Variants in C5 observed in about 807,000 individuals in gnomAD.
The protein encoded by C5 is complement C5, also known as C3 and PZP-like alpha-2-macroglobulin domain-containing protein 4.
A neutral mutation model predicts 218.8 loss-of-function variants in C5; 140 were observed. That is an observed-to-expected ratio of 0.64 (90% CI 0.56 to 0.74). The LOEUF (loss-of-function observed/expected upper bound fraction) is 0.74. C5 is among the 30% of genes least tolerant of loss of function. C5 has a pLI of 0.00. For missense variants in C5, 1,700 were observed against 1,969.6 expected, an observed-to-expected ratio of 0.86 and a Z score of 2.59; for synonymous variants, 614 against 682.3, an observed-to-expected ratio of 0.90 and a Z score of 1.56.
chr9:121,056,265 C>T, the C5 span, among the ~76,000 whole-genome samples: 6 of 152,206 alleles, frequency 3.9e-5, no homozygotes, highest in African/African-American at 1.4e-4. Flanking sequence ...CTGAATAAGG[C>T]ACCATTGACC....
In C5 at chr9:121,006,926, T is replaced by C. The variant is rs772835972; in HGVS notation, c.2400A>G (p.Gln800=). 1 of 1,612,032 alleles carries C rather than the reference T, an allele frequency of 6.2e-7. No homozygotes were observed. The highest frequency in any genetic ancestry group is 8.5e-7 in the Non-Finnish European group (1 of 1,178,148). The part of the protein sequence containing the change: ...LPDSLTTWEI[Q]GVGISNTGIC... ...TACCAGTGTTTGAAATGCCAACGCC[T>C]TGAATTTCCCAGGTGGTTAGAGAAT... The change falls in exon 19 of 41, where the codon CAA becomes CAG. Residue 800 remains glutamine, a synonymous_variant. Transcript: ENST00000223642.
chr9:120,973,715 A>G (rs2046931368), intron 30 of C5, among the ~76,000 whole-genome samples: 1 of 152,172 alleles, frequency 6.6e-6, no homozygotes, highest in East Asian at 1.9e-4. Context: ...ATGGTGGCTC[A>G]CACCTGTAAT....
At chr9:120,983,773 C>T (rs2047012825) in intron 25 of C5, among the ~76,000 whole-genome samples, 1 of 151,838 alleles carries the variant, frequency 6.6e-6, no homozygotes, top group Non-Finnish European at 1.5e-5. Context: ...GATCCTGCCA[C>T]TGCATCCAGC....
the C5 span, among the ~76,000 whole-genome samples, chr9:121,067,691 G>T: frequency 3.3e-5 from 5 of 152,128 alleles, no homozygotes; most frequent in African/African-American, 1.2e-4. Context: ...GGTACCTGGT[G>T]GGAGGTGGGT....
chr9:120,969,412 A>C (rs534677741), intron 32 of C5, among the ~76,000 whole-genome samples: 1 of 151,106 alleles, frequency 6.6e-6, no homozygotes, highest in Non-Finnish European at 1.5e-5. Context: ...GGGATGTTGG[A>C]GGGAGGAAGA....
intron 21 of C5, among the ~76,000 whole-genome samples, chr9:120,996,902 T>G (rs1399656557): frequency 6.6e-6 from 1 of 152,018 alleles, no homozygotes; most frequent in Non-Finnish European, 1.5e-5. Flanking sequence ...TTTTAATTGG[T>G]AAATCATACT....
intron 2 of C5, among the ~76,000 whole-genome samples, chr9:121,045,950 T>C (rs2131822433): frequency 1.3e-5 from 2 of 152,204 alleles, no homozygotes; most frequent in East Asian, 3.9e-4. Flanking sequence ...AATTTTATTT[T>C]CCAATAAGAA....
At chr9:120,968,963 T>G in intron 33 of C5, 98 bp downstream of exon 33, 1 of 982,994 alleles carries the variant, frequency 1.0e-6, no homozygotes, top group South Asian at 1.3e-5. Context: ...ATTTTGTATC[T>G]TCTGGACATA....
chr9:121,005,843 T>A, intron 20 of C5, 76 bp downstream of exon 20: 1 of 1,455,718 alleles, frequency 6.9e-7, no homozygotes, highest in South Asian at 1.1e-5. Flanking sequence ...TTTTTGTGTA[T>A]GGTAATTCCA....
chr9:121,030,348 T>C, intron 7 of C5, 49 bp downstream of exon 7: 6 of 1,003,066 alleles, frequency 6.0e-6, no homozygotes, highest in Non-Finnish European at 9.0e-6. Context: ...CAGAGTTGAG[T>C]TAATTTGAAA....
intron 20 of C5, among the ~76,000 whole-genome samples, chr9:121,002,256 A>C (rs1440989370): frequency 1.0e-5 from 1 of 98,772 alleles, no homozygotes; most frequent in African/African-American, 5.8e-5. Flanking sequence ...ATATATATGT[A>C]TATATGTATA....
At chr9:121,002,232 ATATATG>A (rs2047170905) in intron 20 of C5, among the ~76,000 whole-genome samples, 4 of 120,516 alleles carry the variant, frequency 3.3e-5, no homozygotes, top group African/African-American at 1.3e-4. Flanking sequence ...ATATATATGT[ATATATG>A]TATATGTATA....
intron 3 of C5, among the ~76,000 whole-genome samples, chr9:121,041,787 G>T (rs1486618459): frequency 6.6e-6 from 1 of 152,132 alleles, no homozygotes; most frequent in Admixed American, 6.5e-5. Context: ...ATGTCTAAAA[G>T]GACCCAACCT....
Position 120,961,541 on chromosome 9 carries a change from C to T in C5, c.4529G>A (p.Ser1510Asn). The change falls in exon 37 of 41, where the codon AGC becomes AAC. Residue 1510 changes from serine to asparagine, a missense_variant. Coordinates refer to ENST00000223642, the MANE Select transcript of C5 (RefSeq NM_001735.3). Reference sequence around the variant, plus strand: ...TTTCTGAATTTTGATATTGGAAGTGCTATAAAACATGGTACACTGTTTATC... The same window carrying T: ...TTTCTGAATTTTGATATTGGAAGTGTTATAAAACATGGTACACTGTTTATC... ...RPDKQCTMFY[S>N]TSNIKIQKVC... The T allele has an allele frequency of 6.2e-7, 1 of 1,612,484 alleles. No individual in the cohort carries two copies.
intron 16 of C5, 63 bp downstream of exon 16, chr9:121,015,136 T>C: frequency 9.7e-7 from 1 of 1,027,084 alleles, no homozygotes; most frequent in Non-Finnish European, 1.5e-6. Context: ...TAACATTTAA[T>C]TTTGTCCAGT....
At chr9:121,006,184 T>C (rs2047214372) in intron 19 of C5, 126 bp from the exon 20 acceptor site, 2 of 876,538 alleles carry the variant, frequency 2.3e-6, no homozygotes, top group Non-Finnish European at 3.6e-6. Context: ...TGTTTTTCTC[T>C]GAACTCTCAA....
chr9:121,028,081 A>T (rs1351428667), intron 7 of C5, among the ~76,000 whole-genome samples: 6 of 152,242 alleles, frequency 3.9e-5, no homozygotes, highest in Non-Finnish European at 8.8e-5. Flanking sequence ...CAGCTAACAG[A>T]CACATGAAAA....
intron 38 of C5, among the ~76,000 whole-genome samples, chr9:120,959,822 T>TA (rs1415267510): frequency 6.6e-6 from 1 of 152,200 alleles, no homozygotes; most frequent in African/African-American, 2.4e-5. Context: ...TATTAAAAAT[T>TA]ATTTGGTATT....
chr9:121,036,797 T>C (rs1195601347), intron 4 of C5, among the ~76,000 whole-genome samples: 2 of 152,218 alleles, frequency 1.3e-5, no homozygotes, highest in Non-Finnish European at 2.9e-5. Flanking sequence ...TATAATTTAT[T>C]TGTTTTATAT....
Sources: gnomAD v4.1 joint callset for allele counts (sites outside exome capture counted in the v4.1 genomes callset) on GRCh38, gnomAD v4.1.1 for gene constraint, MANE v1.5 for transcripts, NCBI Gene and HGNC (gene_info 2026-07-23, HGNC 2026-07-21) for gene names.